The following DPP6 variants were observed in gnomAD, a reference collection of about 807,000 sequenced individuals.
DPP6 encodes A-type potassium channel modulatory protein DPP6.
In DPP6, 69 loss-of-function variants were observed where a neutral mutation model predicts 122.6. That is an observed-to-expected ratio of 0.56 (90% confidence interval 0.46 to 0.69). The LOEUF is 0.69. Among genes scored for constraint, DPP6 ranks in the 30% least tolerant of loss-of-function variants. DPP6 has a pLI of 0.00. For missense variants in DPP6, 928 were observed against 1,116.9 expected (o/e 0.83, Z 2.41); for synonymous variants, 418 against 433.1 (o/e 0.97, Z 0.43).
At chr7:154,017,273 G>A (rs1438048298) in intron 1 of DPP6, among the ~76,000 whole-genome samples, 1 of 152,124 alleles carries the variant, frequency 6.6e-6, no homozygotes, top group Non-Finnish European at 1.5e-5. Context: ...TCACTGTGTT[G>A]CCCTGGCTGA....
chr7:154,760,082 C>T lies in DPP6; in HGVS notation c.884-9335C>T, dbSNP rs535996256. Among the ~76,000 whole-genome samples, 101 of 152,308 alleles carry T rather than the reference C, an allele frequency of 6.6e-4. No homozygotes were observed. Among genetic ancestry groups the T allele is most frequent in the Non-Finnish European group, 1.2e-3 (83 of 68,028 alleles). ...AGGTTGCAGTGAGCAGAAATCATGC[C>T]ATTGCACTCCAGCCTAGGTGACAGA... On this transcript the variant is annotated intron_variant, in intron 8 of 25. Coordinates refer to ENST00000377770, the MANE Select transcript of DPP6 (RefSeq NM_130797.4). The surrounding 1 kb of genome is among the most constrained non-coding windows in gnomAD (Gnocchi z 4.5).
intron 1 of DPP6, among the ~76,000 whole-genome samples, chr7:154,120,250 T>C (rs1807348463): frequency 6.6e-6 from 1 of 151,872 alleles, no homozygotes; most frequent in Non-Finnish European, 1.5e-5. Flanking sequence ...CTCTCTTCTT[T>C]TTTTTTTTTT....
At chr7:153,883,849 G>A (rs1309571604), upstream of DPP6, among the ~76,000 whole-genome samples, 1 of 152,180 alleles carries the variant, frequency 6.6e-6, no homozygotes, top group Non-Finnish European at 1.5e-5. Flanking sequence ...CTGCTTTTCA[G>A]CCCTATCCTT....
intron 1 of DPP6, among the ~76,000 whole-genome samples, chr7:154,078,097 G>A (rs1433560340): frequency 1.3e-5 from 2 of 151,998 alleles, no homozygotes; most frequent in Non-Finnish European, 1.5e-5. Context: ...TCAACTCTCT[G>A]TAAATTACAT....
At chr7:153,832,994 A>G in the DPP6 span, among the ~76,000 whole-genome samples, 5 of 152,176 alleles carry the variant, frequency 3.3e-5, no homozygotes, top group Non-Finnish European at 7.4e-5. Flanking sequence ...TTATTTCTCA[A>G]TGTGACACAG....
At chr7:154,471,269 A>C (rs1822250788) in intron 2 of DPP6, among the ~76,000 whole-genome samples, 1 of 152,188 alleles carries the variant, frequency 6.6e-6, no homozygotes. Context: ...AACAAACAAA[A>C]GCATAGCTGC....
chr7:154,181,677 G>A (rs996206551), intron 1 of DPP6, among the ~76,000 whole-genome samples: 3 of 151,516 alleles, frequency 2.0e-5, no homozygotes, highest in African/African-American at 7.3e-5. Flanking sequence ...CTCTCTGTGT[G>A]TGTTTAATTT....
chr7:153,917,053 G>C (rs1020481397), intron 1 of DPP6, among the ~76,000 whole-genome samples: 2 of 152,218 alleles, frequency 1.3e-5, no homozygotes, highest in Non-Finnish European at 2.9e-5. Flanking sequence ...TTGTGAAAAT[G>C]TAGATTCCAT....
chr7:153,981,651 A>G (rs536825977), intron 1 of DPP6, among the ~76,000 whole-genome samples: 1 of 152,084 alleles, frequency 6.6e-6, no homozygotes, highest in Non-Finnish European at 1.5e-5. Flanking sequence ...TGGTCTTTAC[A>G]TTTTGGTATG....
At chr7:153,792,528 C>T in the DPP6 span, among the ~76,000 whole-genome samples, 2 of 152,124 alleles carry the variant, frequency 1.3e-5, no homozygotes, top group Non-Finnish European at 1.5e-5. Flanking sequence ...AATTCAATTT[C>T]TCTAATAGAT....
intron 5 of DPP6, among the ~76,000 whole-genome samples, chr7:154,568,119 G>A (rs1830877877): frequency 6.6e-6 from 1 of 152,164 alleles, no homozygotes; most frequent in African/African-American, 2.4e-5. Flanking sequence ...TAAAAGGCTT[G>A]GGACTCTGCA....
At chr7:153,932,146 A>C (rs1801199657) in intron 1 of DPP6, among the ~76,000 whole-genome samples, 1 of 138,690 alleles carries the variant, frequency 7.2e-6, no homozygotes, top group Non-Finnish European at 1.6e-5. Flanking sequence ...TTTTTAACAG[A>C]ATCTCATTCT....
chr7:154,883,744 C>T (rs1225620688), intron 21 of DPP6: 4 of 148,498 alleles, frequency 2.7e-5, no homozygotes, highest in Non-Finnish European at 5.9e-5. Context: ...TGCTCACAAA[C>T]ACGACTACAT....
intron 7 of DPP6, among the ~76,000 whole-genome samples, chr7:154,719,255 C>T (rs939868186): frequency 6.6e-6 from 1 of 152,094 alleles, no homozygotes; most frequent in Non-Finnish European, 1.5e-5. Flanking sequence ...ACATCCCAGC[C>T]TCTCCAGAGC....
chr7:154,585,841 G>A (rs142715733), intron 5 of DPP6, among the ~76,000 whole-genome samples: 32 of 151,942 alleles, frequency 2.1e-4, no homozygotes, highest in African/African-American at 5.6e-4. Context: ...ACTCAGGGCC[G>A]ACTGTAATTC....
At chr7:154,423,233 A>G (rs1817627185) in intron 1 of DPP6, among the ~76,000 whole-genome samples, 1 of 152,216 alleles carries the variant, frequency 6.6e-6, no homozygotes, top group Non-Finnish European at 1.5e-5. Flanking sequence ...TTATAAAAGG[A>G]GAAGGAAGGA....
intron 10 of DPP6, among the ~76,000 whole-genome samples, chr7:154,777,462 A>G (rs112327065): frequency 1.5e-4 from 23 of 152,328 alleles, no homozygotes; most frequent in African/African-American, 5.5e-4. Flanking sequence ...TGACCAGGAA[A>G]GAATAAACAC....
chr7:154,014,764 C>T (rs1798324576), intron 1 of DPP6, among the ~76,000 whole-genome samples: 1 of 152,062 alleles, frequency 6.6e-6, no homozygotes, highest in Admixed American at 6.5e-5. Flanking sequence ...CCTCCACGTT[C>T]TAAAAACAAA....
Position 154,891,651 on chromosome 7 carries a change from T to C in DPP6, c.2452-683T>C, listed in dbSNP as rs542778320. Among the ~76,000 whole-genome samples, 3 of 152,228 alleles carry C rather than the reference T, an allele frequency of 2.0e-5. No homozygotes were observed. The East Asian group carries it at 5.8e-4, about 29-fold the overall frequency. On this transcript the variant is annotated intron_variant, in intron 25 of 25. Transcript: ENST00000377770. ...AGAGCATAGGAGTGTAATGGCGCGA[T>C]CTCGGCTCACAGCAACCTCCGCCTC...
Sources: gnomAD v4.1 joint callset for allele counts (sites outside exome capture counted in the v4.1 genomes callset) on GRCh38, gnomAD v4.1.1 for gene constraint, Gnocchi (gnomAD v3.1) non-coding constraint, MANE v1.5 for transcripts, NCBI Gene and HGNC (gene_info 2026-07-23, HGNC 2026-07-21) for gene names.